Variants in LHPP observed in about 807,000 individuals in gnomAD.
The protein encoded by LHPP is hLHPP.
LHPP carries 24 observed loss-of-function variants against 30.3 expected under a neutral mutation model. The observed-to-expected ratio is 0.79, with a 90% CI of 0.57 to 1.11. The LOEUF (loss-of-function observed/expected upper bound fraction) is 1.11. Among genes scored for constraint, LHPP ranks in the 50% most tolerant of loss-of-function variants. The pLI, the probability that LHPP is intolerant of heterozygous loss-of-function variation, is 0.00. For synonymous variants in LHPP, 150 were observed against 157.1 expected (o/e 0.95, Z 0.34); for missense variants, 356 against 367.2 (o/e 0.97, Z 0.25).
chr10:124,612,669 C>G (rs1176534431), intron 6 of LHPP, among the ~76,000 whole-genome samples: 1 of 152,240 alleles, frequency 6.6e-6, no homozygotes, highest in Non-Finnish European at 1.5e-5. Context: ...GGAGAGGTTG[C>G]TGCCCCCAGA....
At chr10:124,475,966 T>G (rs1044947951) in intron 1 of LHPP, among the ~76,000 whole-genome samples, 4 of 152,174 alleles carry the variant, frequency 2.6e-5, no homozygotes, top group African/African-American at 9.7e-5. Context: ...TAAATTGCGT[T>G]TATTGATTCC....
intron 6 of LHPP, among the ~76,000 whole-genome samples, chr10:124,551,440 G>A (rs11245284): frequency 0.11 from 16,234 of 152,190 alleles, 1,213 homozygotes; most frequent in East Asian, 0.28. Flanking sequence ...CCTTGCTCAC[G>A]CTGCCTGCTC....
chr10:124,555,417 C>T (rs1410559606), intron 6 of LHPP, among the ~76,000 whole-genome samples: 8 of 152,204 alleles, frequency 5.3e-5, no homozygotes, highest in Admixed American at 5.2e-4. Context: ...CAGGGCCTGG[C>T]CCTCCCCACT....
intron 6 of LHPP, among the ~76,000 whole-genome samples, chr10:124,569,958 C>A (rs1184879509): frequency 6.6e-6 from 1 of 152,184 alleles, no homozygotes; most frequent in East Asian, 1.9e-4. Flanking sequence ...CCTTCCCAGT[C>A]AGACCCCCCG....
intron 6 of LHPP, among the ~76,000 whole-genome samples, chr10:124,565,107 C>T (rs969111195): frequency 3.9e-5 from 6 of 152,130 alleles, no homozygotes; most frequent in African/African-American, 1.2e-4. Flanking sequence ...GCAAACACGA[C>T]GCCCGGCAAT....
At chr10:124,529,796 T>C (rs5026914) in intron 6 of LHPP, among the ~76,000 whole-genome samples, 61,451 of 140,230 alleles carry the variant, frequency 0.44, 12,830 homozygotes, top group East Asian at 0.64. Flanking sequence ...CTCATGCACA[T>C]ACACACACAC....
chr10:124,470,280 T>C (rs376548536), intron 1 of LHPP, among the ~76,000 whole-genome samples: 104 of 152,186 alleles, frequency 6.8e-4, no homozygotes, highest in African/African-American at 2.4e-3. Flanking sequence ...CTAAAGCACA[T>C]CTGCTGGGCC....
intron 6 of LHPP, among the ~76,000 whole-genome samples, chr10:124,544,154 C>T (rs1955272434): frequency 6.6e-6 from 1 of 152,212 alleles, no homozygotes; most frequent in Non-Finnish European, 1.5e-5. Context: ...GTAGGGGCAG[C>T]CTCCCCAGGA....
intron 6 of LHPP, among the ~76,000 whole-genome samples, chr10:124,599,231 C>T (rs1265094868): frequency 6.6e-6 from 1 of 152,190 alleles, no homozygotes. Flanking sequence ...ATCCTCCTGT[C>T]CATCCCTGTG....
chr10:124,461,886 G>C lies in LHPP; in HGVS notation c.24G>C (p.Leu8=), dbSNP rs1033730525. Residue 8 remains leucine, a synonymous_variant, in exon 1 of 7, where the codon CTG becomes CTC. Transcript: ENST00000368842. ...CCATGGCACCGTGGGGCAAGCGGCT[G>C]GCTGGCGTGCGCGGGGTGCTGCTTG... MAPWGKR[L]AGVRGVLLDI... is the part of the protein sequence containing the mutation. 8.0e-7 allele frequency: 1 copy of C among 1,257,776 alleles called. No individual in the cohort carries two copies. The highest frequency in any genetic ancestry group is 1.5e-5 in the African/African-American group (1 of 65,272). 77.9% of individuals were successfully genotyped at this position (1,257,776 alleles called of 1,614,324 possible).
At chr10:124,492,972 G>A (rs1334005559) in intron 3 of LHPP, among the ~76,000 whole-genome samples, 1 of 152,136 alleles carries the variant, frequency 6.6e-6, no homozygotes, top group Admixed American at 6.5e-5. Flanking sequence ...AGGATGGCTT[G>A]AGCTCAGAGG....
intron 6 of LHPP, among the ~76,000 whole-genome samples, chr10:124,548,779 C>A (rs999898643): frequency 1.3e-5 from 2 of 152,326 alleles, no homozygotes; most frequent in East Asian, 1.9e-4. Context: ...TCTCAGTGAA[C>A]CCTGAGGCTT....
intron 6 of LHPP, among the ~76,000 whole-genome samples, chr10:124,528,568 A>G (rs1044453123): frequency 2.6e-4 from 40 of 152,184 alleles, no homozygotes; most frequent in Middle Eastern, 3.4e-3. Flanking sequence ...CATGTTGGCC[A>G]GGCTGGTCTT....
At chr10:124,474,639 T>C (rs1361262356) in intron 1 of LHPP, among the ~76,000 whole-genome samples, 1 of 152,052 alleles carries the variant, frequency 6.6e-6, no homozygotes, top group Non-Finnish European at 1.5e-5. Flanking sequence ...AGGTCCCATC[T>C]CTAAACCACA....
intron 1 of LHPP, among the ~76,000 whole-genome samples, chr10:124,477,846 G>GC (rs1953000457): frequency 6.6e-6 from 1 of 152,162 alleles, no homozygotes; most frequent in Admixed American, 6.5e-5. Flanking sequence ...TGATGACACT[G>GC]CCCCCGAGGA....
At chr10:124,557,298 T>C (rs1948319782) in intron 6 of LHPP, among the ~76,000 whole-genome samples, 1 of 152,198 alleles carries the variant, frequency 6.6e-6, no homozygotes, top group Admixed American at 6.5e-5. Flanking sequence ...TTTGAGCTGA[T>C]AGAGAAGGCC....
intron 6 of LHPP, among the ~76,000 whole-genome samples, chr10:124,545,360 C>T (rs1335864105): frequency 6.6e-6 from 1 of 152,226 alleles, no homozygotes; most frequent in African/African-American, 2.4e-5. Flanking sequence ...GGTCCCTGCT[C>T]AGAGCTCCCC....
At chr10:124,563,926 G>A (rs1221935103) in intron 6 of LHPP, among the ~76,000 whole-genome samples, 1 of 152,086 alleles carries the variant, frequency 6.6e-6, no homozygotes, top group East Asian at 1.9e-4. Flanking sequence ...GAGTTGGAAT[G>A]GTTCATCATT....
chr10:124,602,199 G>T (rs144621409), intron 6 of LHPP, among the ~76,000 whole-genome samples: 116 of 152,362 alleles, frequency 7.6e-4, no homozygotes, highest in African/African-American at 2.8e-3. Flanking sequence ...GACGAACCAG[G>T]TTTAAACCCC....
Sources: gnomAD v4.1 joint callset for allele counts (sites outside exome capture counted in the v4.1 genomes callset) on GRCh38, gnomAD v4.1.1 for gene constraint, MANE v1.5 for transcripts, NCBI Gene and HGNC (gene_info 2026-07-23, HGNC 2026-07-21) for gene names.